Variants in ANKRD62 observed in about 807,000 individuals in gnomAD.
ANKRD62 encodes the protein ankyrin repeat domain 62, also known as ankyrin repeat domain-containing protein 62.
ANKRD62 carries 61 observed loss-of-function variants against 98.8 expected under a neutral mutation model. That is an observed-to-expected ratio of 0.62 (90% CI 0.50 to 0.76). The LOEUF is 0.76. Among genes scored for constraint, ANKRD62 ranks in the 30% least tolerant of loss-of-function variants. ANKRD62 has a pLI of 0.00. For synonymous variants in ANKRD62, 341 were observed against 367.9 expected, an observed-to-expected ratio of 0.93 and a Z score of 0.84; for missense variants, 933 against 1,082.9, an observed-to-expected ratio of 0.86 and a Z score of 1.94.
chr18:12,118,608 TA>T (rs34897974), intron 10 of ANKRD62, among the ~76,000 whole-genome samples: 34,118 of 140,678 alleles, frequency 0.24, 4,402 homozygotes, highest in East Asian at 0.52. Flanking sequence ...GGCTCTGTCT[TA>T]AAAAAAAAAA....
intron 3 of ANKRD62, 23 bp from the exon 4 acceptor site, chr18:12,096,173 A>G (rs1327012737): frequency 1.3e-5 from 18 of 1,438,102 alleles, no homozygotes; most frequent in South Asian, 5.1e-5. Flanking sequence ...TGTGAATTAT[A>G]AATTGTTTTT....
downstream of ANKRD62, chr18:12,129,846 A>G (rs1446761307): frequency 1.3e-5 from 2 of 152,384 alleles, no homozygotes; most frequent in Middle Eastern, 6.8e-3. Flanking sequence ...AGTATTTTAT[A>G]TATAACCATA....
chr18:12,122,269 A>G (rs1275481623), intron 10 of ANKRD62, 34 bp from the exon 11 acceptor site: 2 of 1,479,880 alleles, frequency 1.4e-6, no homozygotes, highest in Admixed American at 2.1e-5. Context: ...CTACTCATGT[A>G]TTTTATCTCT....
At chr18:12,165,030 A>T in the ANKRD62 span, among the ~76,000 whole-genome samples, 647 of 152,086 alleles carry the variant, frequency 4.3e-3, 3 homozygotes, top group African/African-American at 0.014. Context: ...TCATTATATA[A>T]TGACTTTTTT....
chr18:12,127,922 T>C lies in ANKRD62; in HGVS notation c.2737T>C (p.Ser913Pro), dbSNP rs764504614. ...RSQVCMKLSM[S>P]TVTL ...TCAAGTATGTATGAAACTTAGCATG[T>C]CAACAGTTACTCTGTAGCTGGTTAA... Residue 913 changes from serine (S) to proline (P), a missense_variant, in exon 14 of 14, where the codon TCA becomes CCA. Ser to Pro is a moderately conservative substitution (Grantham distance 74). This residue lies in a region of ANKRD62 where 362 missense variants were observed against 434.5 expected (regional missense o/e 0.83). Transcript: ENST00000587848. 4.0e-6 allele frequency: 6 copies of C among 1,491,832 alleles called. No homozygotes were observed. The highest frequency in any genetic ancestry group is 5.3e-6 in the Non-Finnish European group (6 of 1,128,680). The allele number at this position is 1,491,832 out of a possible 1,614,324, so 92.4% of individuals were successfully genotyped here.
the ANKRD62 span, among the ~76,000 whole-genome samples, chr18:12,153,085 A>G: frequency 1.3e-5 from 2 of 152,208 alleles, no homozygotes; most frequent in African/African-American, 2.4e-5. Flanking sequence ...ATTTAGGAAT[A>G]TAGCTAACAA....
the ANKRD62 span, among the ~76,000 whole-genome samples, chr18:12,144,887 T>C: frequency 1.6e-5 from 2 of 125,762 alleles, no homozygotes; most frequent in African/African-American, 6.1e-5. Flanking sequence ...CTCACCCCTG[T>C]AATCCCACCA....
intron 10 of ANKRD62, among the ~76,000 whole-genome samples, chr18:12,120,572 T>C (rs555803452): frequency 6.6e-6 from 1 of 152,332 alleles, no homozygotes; most frequent in Non-Finnish European, 1.5e-5. Flanking sequence ...TATTGCTTTC[T>C]TATAGAATCT....
chr18:12,122,499 A>G lies in ANKRD62; in HGVS notation c.1437A>G (p.Lys479=), dbSNP rs1287771882. The G allele has an allele frequency of 2.0e-6, 3 of 1,521,544 alleles. No homozygotes were observed. The highest frequency in any genetic ancestry group is 4.9e-5 in the East Asian group (2 of 40,774). The allele number at this position is 1,521,544 out of a possible 1,614,324, so 94.3% of individuals were successfully genotyped here. A position where few individuals can be genotyped will look rare whatever the true frequency, so the allele number is the denominator to read the frequency against. Residue 479 remains lysine (K), a synonymous_variant, in exon 11 of 14, where the codon AAA becomes AAG. Coordinates refer to ENST00000587848, the MANE Select transcript of ANKRD62 (RefSeq NM_001277333.2). ...AGCATCAGAATCTTCAAGGGAAAAA[A>G]AAGCTCTGTAATTTGAGGTATCACA... is the stretch of plus-strand genomic sequence containing the variant. ...QSEHQNLQGK[K]KLCNLRFILQ...
chr18:12,158,813 C>T, the ANKRD62 span, among the ~76,000 whole-genome samples: 3 of 151,954 alleles, frequency 2.0e-5, no homozygotes, highest in African/African-American at 4.8e-5. Context: ...GGATTACAGG[C>T]GTGAGCCACC....
chr18:12,139,689 G>A, the ANKRD62 span, among the ~76,000 whole-genome samples: 2 of 151,918 alleles, frequency 1.3e-5, no homozygotes, highest in Non-Finnish European at 2.9e-5. Flanking sequence ...CTCTCTTCTG[G>A]CTTGTAGAGT....
rs1162303001 is a variant in ANKRD62 at position 12,128,686 on chromosome 18, A to G, written c.*747A>G. 2.0e-5 allele frequency: 3 copies of G among 152,196 alleles called. No homozygotes were observed. The highest frequency in any genetic ancestry group is 2.9e-5 in the Non-Finnish European group (2 of 68,032). The allele number at this position is 152,196 out of a possible 1,614,324, so 9.4% of individuals were successfully genotyped here. Reference sequence around the variant, plus strand: ...GCCCTGCCACTCGATAGGAGAATCTATCTATTTTAATTATTTTTCTGTTTG... The same window carrying G: ...GCCCTGCCACTCGATAGGAGAATCTGTCTATTTTAATTATTTTTCTGTTTG... On this transcript the variant is annotated 3_prime_UTR_variant, in exon 14 of 14. Coordinates refer to ENST00000587848, the MANE Select transcript of ANKRD62 (RefSeq NM_001277333.2).
the ANKRD62 span, among the ~76,000 whole-genome samples, chr18:12,181,262 G>A: frequency 8.2e-3 from 1,252 of 152,222 alleles, 65 homozygotes; most frequent in Admixed American, 0.073. Context: ...TTCAAAATAT[G>A]ATATGGTAGA....
the ANKRD62 span, among the ~76,000 whole-genome samples, chr18:12,136,299 G>A: frequency 6.6e-6 from 1 of 151,842 alleles, no homozygotes; most frequent in Admixed American, 6.6e-5. Flanking sequence ...ATTAAATAGG[G>A]AATCCTTTCC....
At chr18:12,113,686 A>G (rs998958697) in intron 8 of ANKRD62, among the ~76,000 whole-genome samples, 1 of 152,232 alleles carries the variant, frequency 6.6e-6, no homozygotes, top group African/African-American at 2.4e-5. Flanking sequence ...AGGAATGCGT[A>G]TACGCTGTTG....
At chr18:12,104,381 C>A (rs12606540) in intron 7 of ANKRD62, among the ~76,000 whole-genome samples, 31,632 of 151,958 alleles carry the variant, frequency 0.21, 4,264 homozygotes, top group East Asian at 0.55. Context: ...AAAACATATA[C>A]CCTGACAGAA....
rs1909207955 is a variant in ANKRD62, at chr18:12,097,551, G to A, written c.615-89G>A. 14 of 1,329,758 alleles carry A rather than the reference G, an allele frequency of 1.1e-5. No homozygotes were observed. The South Asian group carries it at 2.0e-4, about 19-fold the overall frequency. 82.4% of individuals were successfully genotyped at this position (1,329,758 alleles called of 1,614,324 possible). A position where few individuals can be genotyped will look rare whatever the true frequency, so the allele number is the denominator to read the frequency against. On this transcript the variant is annotated intron_variant, in intron 4 of 13. Coordinates refer to ENST00000587848, the MANE Select transcript of ANKRD62 (RefSeq NM_001277333.2). ...GTAATTGGTTAATTCTACATGGACA[G>A]GCATATTAAATTGGTAAAGTTTATA...
At chr18:12,130,887 A>T (rs1166165010), downstream of ANKRD62, among the ~76,000 whole-genome samples, 1 of 152,074 alleles carries the variant, frequency 6.6e-6, no homozygotes, top group African/African-American at 2.4e-5. Flanking sequence ...AGATGGTTTC[A>T]CCATGTTGGC....
chr18:12,159,156 T>G, the ANKRD62 span, among the ~76,000 whole-genome samples: 2 of 152,176 alleles, frequency 1.3e-5, no homozygotes, highest in Non-Finnish European at 2.9e-5. Flanking sequence ...AGTGCATATA[T>G]TTTGTAGTTA....
Sources: gnomAD v4.1 joint callset for allele counts (sites outside exome capture counted in the v4.1 genomes callset) on GRCh38, gnomAD v4.1.1 for gene constraint, gnomAD v4.1.1 regional missense constraint, MANE v1.5 for transcripts, NCBI Gene and HGNC (gene_info 2026-07-23, HGNC 2026-07-21) for gene names.